The following CSMD1 variants were observed in gnomAD, a reference collection of about 807,000 sequenced individuals.
CSMD1 encodes the protein CUB and Sushi multiple domains 1.
A neutral mutation model predicts 417.5 loss-of-function variants in CSMD1; 213 were observed. The observed-to-expected ratio is 0.51, with a 90% CI of 0.46 to 0.57. CSMD1 has a LOEUF of 0.57. CSMD1 is among the 20% of genes least tolerant of loss of function. The pLI, the probability that CSMD1 is intolerant of heterozygous loss-of-function variation, is 0.00. For synonymous variants in CSMD1, 2,862 were observed against 1,736.8 expected (o/e 1.65, Z -16.11); for missense variants, 6,923 against 4,529.7 (o/e 1.53, Z -15.17).
At chr8:3,678,234 T>C (rs1256553787) in intron 7 of CSMD1, among the ~76,000 whole-genome samples, 1 of 152,136 alleles carries the variant, frequency 6.6e-6, no homozygotes, top group Non-Finnish European at 1.5e-5. Context: ...TGATCAAACT[T>C]CTCCGAGCTA....
intron 5 of CSMD1, among the ~76,000 whole-genome samples, chr8:3,760,224 T>A (rs888739626): frequency 7.2e-5 from 11 of 152,166 alleles, no homozygotes; most frequent in Non-Finnish European, 1.5e-5. Context: ...AGTGGGAATG[T>A]TGGACAGCTC....
At chr8:3,618,951 T>C (rs1411610187) in intron 7 of CSMD1, among the ~76,000 whole-genome samples, 2 of 152,092 alleles carry the variant, frequency 1.3e-5, no homozygotes, top group Non-Finnish European at 2.9e-5. Context: ...GCTCTGTCTT[T>C]CCTGACTTGC....
At chr8:3,474,139 C>T (rs1281475483) in intron 11 of CSMD1, among the ~76,000 whole-genome samples, 1 of 152,120 alleles carries the variant, frequency 6.6e-6, no homozygotes, top group Non-Finnish European at 1.5e-5. Context: ...GCATGCTCCC[C>T]ATGTCTGCCT....
chr8:3,448,097 A>G (rs1815415213), intron 12 of CSMD1, among the ~76,000 whole-genome samples: 1 of 151,618 alleles, frequency 6.6e-6, no homozygotes, highest in Admixed American at 6.6e-5. Flanking sequence ...AAAATAAGAT[A>G]GAAGGGTAAG....
chr8:3,760,783 T>A (rs1181993492), intron 5 of CSMD1, among the ~76,000 whole-genome samples: 1 of 152,194 alleles, frequency 6.6e-6, no homozygotes, highest in Non-Finnish European at 1.5e-5. Flanking sequence ...GGGGTCCCTC[T>A]GCAGTTAAGT....
At chr8:4,273,796 G>A (rs1232678996) in intron 3 of CSMD1, among the ~76,000 whole-genome samples, 2 of 152,166 alleles carry the variant, frequency 1.3e-5, no homozygotes, top group Non-Finnish European at 2.9e-5. Flanking sequence ...CTGCGTGTAT[G>A]TCTGGTGAAA....
At chr8:3,603,278 C>G (rs60748897) in intron 8 of CSMD1, among the ~76,000 whole-genome samples, 1 of 152,198 alleles carries the variant, frequency 6.6e-6, no homozygotes, top group Admixed American at 6.5e-5. Flanking sequence ...TCAAAAGCTA[C>G]CTGCCTGCCT....
Position 3,396,266 on chromosome 8 carries a change from C to A in CSMD1, c.2521G>T (p.Gly841Trp). ...TQAPQFLIST[G>W]NFMYLLFTTD... The stretch of plus-strand genomic sequence containing the variant: ...GTGAACAGCAGGTACATGAAGTTCC[C>A]GGTGCTGATGAGGAACTGGGGTGCC... Residue 841 changes from glycine to tryptophan, a missense_variant, in exon 17 of 70, where the codon GGG becomes TGG. Transcript: ENST00000635120. 1 of 1,589,726 alleles carries A rather than the reference C, an allele frequency of 6.3e-7. No individual in the cohort carries two copies. Among genetic ancestry groups the A allele is most frequent in the East Asian group, 2.3e-5 (1 of 43,810 alleles).
rs1563163181 is a variant in CSMD1 at position 3,570,082 on chromosome 8, G to A, written c.1344+4863C>T. ...AGAGAAGAGAATTGTATAAACCCAA[G>A]CTGCCTAAATTCATTACTGGTCATT... On this transcript the variant is annotated intron_variant, in intron 10 of 69. Coordinates refer to ENST00000635120, the MANE Select transcript of CSMD1 (RefSeq NM_033225.6). Among the ~76,000 whole-genome samples the A allele has an allele frequency of 3.3e-5, 5 of 152,268 alleles. No homozygotes were observed. In the South Asian group the frequency reaches 1.0e-3, roughly 32 times the overall value.
intron 66 of CSMD1, among the ~76,000 whole-genome samples, 193 bp downstream of exon 66, chr8:2,950,921 G>A (rs540200560): frequency 1.8e-4 from 28 of 152,208 alleles, no homozygotes; most frequent in African/African-American, 5.3e-4. Context: ...TTCTGTACTC[G>A]TTTTGTAATC....
chr8:3,987,924 T>C (rs947968731), intron 5 of CSMD1, among the ~76,000 whole-genome samples: 1 of 152,184 alleles, frequency 6.6e-6, no homozygotes, highest in South Asian at 2.1e-4. Context: ...TCACACCGAA[T>C]GGTCTCACAT....
chr8:4,706,269 T>A (rs1464172475), intron 1 of CSMD1, among the ~76,000 whole-genome samples: 1 of 152,072 alleles, frequency 6.6e-6, no homozygotes, highest in Non-Finnish European at 1.5e-5. Context: ...AAAATTTCTC[T>A]TTTAATTCCC....
At chr8:4,664,151 A>G (rs572958885) in intron 1 of CSMD1, among the ~76,000 whole-genome samples, 1 of 152,284 alleles carries the variant, frequency 6.6e-6, no homozygotes, top group African/African-American at 2.4e-5. Flanking sequence ...GCTGGTAAAG[A>G]GAGAGATACT....
intron 5 of CSMD1, among the ~76,000 whole-genome samples, chr8:3,848,804 G>T (rs998393856): frequency 2.6e-5 from 4 of 151,864 alleles, no homozygotes; most frequent in African/African-American, 9.7e-5. Context: ...ATGATTAGCA[G>T]CGATTTTAAA....
At chr8:4,174,462 T>C (rs1797930413) in intron 3 of CSMD1, among the ~76,000 whole-genome samples, 1 of 151,762 alleles carries the variant, frequency 6.6e-6, no homozygotes, top group South Asian at 2.1e-4. Flanking sequence ...ATTGTTTAAA[T>C]AATAGGTTTG....
intron 2 of CSMD1, among the ~76,000 whole-genome samples, chr8:4,581,676 C>T (rs1311343940): frequency 2.0e-5 from 3 of 152,206 alleles, no homozygotes; most frequent in Non-Finnish European, 4.4e-5. Context: ...TCTGTCTATG[C>T]TCCCAGTTGG....
chr8:3,914,638 C>G (rs1387958154), intron 5 of CSMD1, among the ~76,000 whole-genome samples: 1 of 151,978 alleles, frequency 6.6e-6, no homozygotes, highest in Non-Finnish European at 1.5e-5. Flanking sequence ...TTCTGTCTCT[C>G]AGATCTCCAC....
At chr8:4,453,187 A>G (rs1054296248) in intron 2 of CSMD1, among the ~76,000 whole-genome samples, 3 of 146,630 alleles carry the variant, frequency 2.0e-5, no homozygotes, top group African/African-American at 7.7e-5. Flanking sequence ...ATCCCAACAC[A>G]CAGACACACC....
intron 39 of CSMD1, among the ~76,000 whole-genome samples, chr8:3,154,665 G>A (rs1457898060): frequency 6.6e-6 from 1 of 152,150 alleles, no homozygotes; most frequent in East Asian, 1.9e-4. Context: ...ACTTCACCCA[G>A]CTGTAGAGCC....
Sources: gnomAD v4.1 joint callset for allele counts (sites outside exome capture counted in the v4.1 genomes callset) on GRCh38, gnomAD v4.1.1 for gene constraint, MANE v1.5 for transcripts, NCBI Gene and HGNC (gene_info 2026-07-23, HGNC 2026-07-21) for gene names.